PPM1M: variants seen among roughly 807,000 people sequenced by gnomAD.
PPM1M encodes protein phosphatase 1M.
In PPM1M, 44 loss-of-function variants were observed where a neutral mutation model predicts 50.8. The ratio of observed to expected loss-of-function variants is 0.87; its 90% CI spans 0.68 to 1.11. The LOEUF (loss-of-function observed/expected upper bound fraction) is 1.11. Ranked by LOEUF, PPM1M falls within the 50% of genes most tolerant of loss-of-function variation. The pLI, the probability that PPM1M is intolerant of heterozygous loss-of-function variation, is 0.00. For synonymous variants in PPM1M, 224 were observed against 242.9 expected (o/e 0.92, Z 0.72); for missense variants, 556 against 593.4 (o/e 0.94, Z 0.66).
rs1358845029 is a variant in PPM1M, at chr3:52,250,231, G to C, written c.*417G>C. The C allele has an allele frequency of 1.1e-5, 2 of 183,424 alleles. No homozygotes were observed. The highest frequency in any genetic ancestry group is 5.2e-5 in the Admixed American group (1 of 19,050). 11.4% of individuals were successfully genotyped at this position (183,424 alleles called of 1,614,324 possible). ...AGGTCTCCAATTCATGGTTATCAGG[G>C]CATGTGTTCAACAACCCCCAAAGTC... On this transcript the variant is annotated 3_prime_UTR_variant, in exon 10 of 10. Transcript: ENST00000323588.
At position 52,250,053 on chromosome 3, in the gene PPM1M, G is replaced by C; in HGVS notation, c.*239G>C. On this transcript the variant is annotated 3_prime_UTR_variant, in exon 10 of 10. Coordinates refer to ENST00000323588, the MANE Select transcript of PPM1M (RefSeq NM_144641.4). ...CCTTTTGCGGTGATAACCTTCTCTGGCAGAGTGACTTTACAACTTAACTAG... is the reference window on the plus strand; with the variant it reads ...CCTTTTGCGGTGATAACCTTCTCTGCCAGAGTGACTTTACAACTTAACTAG... The C allele has an allele frequency of 2.1e-6, 1 of 476,964 alleles. No homozygotes were observed. Among genetic ancestry groups the C allele is most frequent in the Non-Finnish European group, 3.8e-6 (1 of 261,142 alleles). 29.5% of individuals were successfully genotyped at this position (476,964 alleles called of 1,614,324 possible).
In PPM1M at chr3:52,248,801, T is replaced by C. The variant is rs2107319842; in HGVS notation, c.978+101T>C. On this transcript the variant is annotated intron_variant, in intron 7 of 9. Coordinates refer to ENST00000323588, the MANE Select transcript of PPM1M (RefSeq NM_144641.4). ...TTGCTGGTAGCTGTGGCTGGTGGCC[T>C]GGGATTTGCTCTGAGACTAGGAATT... 4 of 1,396,444 alleles carry C rather than the reference T, an allele frequency of 2.9e-6. No individual in the cohort carries two copies. The East Asian group carries it at 9.1e-5, about 32-fold the overall frequency. The allele number at this position is 1,396,444 out of a possible 1,614,324, so 86.5% of individuals were successfully genotyped here. A position where few individuals can be genotyped will look rare whatever the true frequency, so the allele number is the denominator to read the frequency against.
rs1457573484 is a variant in PPM1M, at chr3:52,248,325, C to T, written c.796-10C>T. ...AGGAGTATGACCTGAGCGCAGCCTC[C>T]CCACCCCAGGCCTTTGTCTATCCTG... On this transcript the variant is annotated splice_polypyrimidine_tract_variant and intron_variant, in intron 5 of 9. Coordinates refer to ENST00000323588, the MANE Select transcript of PPM1M (RefSeq NM_144641.4). 1 of 1,609,240 alleles carries T rather than the reference C, an allele frequency of 6.2e-7. No homozygotes were observed. Among genetic ancestry groups the T allele is most frequent in the Non-Finnish European group, 8.5e-7 (1 of 1,177,614 alleles).
In PPM1M at chr3:52,246,794, G is replaced by A; in HGVS notation, c.324G>A (p.Leu108=). Residue 108 remains leucine (L), a synonymous_variant, in exon 2 of 10, where the codon CTG becomes CTA. Transcript: ENST00000323588. The part of the protein sequence containing the change: ...RCEFGAEEEW[L]TLCPEEFLTG... ...AGTTTGGGGCTGAAGAAGAGTGGCT[G>A]ACCCTGTGCCCAGAGGAGGTGAGTG... 7.2e-7 allele frequency: 1 copy of A among 1,388,690 alleles called. No individual in the cohort carries two copies. Among genetic ancestry groups the A allele is most frequent in the Non-Finnish European group, 9.6e-7 (1 of 1,044,212 alleles). The allele number at this position is 1,388,690 out of a possible 1,614,324, so 86.0% of individuals were successfully genotyped here. A position where few individuals can be genotyped will look rare whatever the true frequency, so the allele number is the denominator to read the frequency against.
rs1267458549 is a variant in PPM1M, at chr3:52,245,869, G to A, written c.45G>A (p.Pro15=). Residue 15 remains proline (P), a synonymous_variant, in exon 1 of 10, where the codon CCG becomes CCA. Coordinates refer to ENST00000323588, the MANE Select transcript of PPM1M (RefSeq NM_144641.4). This position sits in a 1 kb window ranked among gnomAD's most constrained non-coding sequence, Gnocchi z 4.8. ...WFRRRFLPGE[P]LPAPRPPGPH... The stretch of plus-strand genomic sequence containing the variant: ...GGCGCCGCTTCCTGCCTGGGGAGCC[G>A]CTCCCCGCGCCGCGGCCGCCTGGGC... 2.7e-6 allele frequency: 3 copies of A among 1,094,422 alleles called. No individual in the cohort carries two copies. The highest frequency in any genetic ancestry group is 8.1e-5 in the Admixed American group (2 of 24,702). 67.8% of individuals were successfully genotyped at this position (1,094,422 alleles called of 1,614,324 possible). A position where few individuals can be genotyped will look rare whatever the true frequency, so the allele number is the denominator to read the frequency against.
chr3:52,247,344 AG>A, intron 3 of PPM1M, 116 bp downstream of exon 3: 2 of 1,426,000 alleles, frequency 1.4e-6, no homozygotes, highest in Non-Finnish European at 1.9e-6. Context: ...TGGGAGGATG[AG>A]ATTGGGTTGG....
intron 9 of PPM1M, 31 bp from the exon 10 acceptor site, chr3:52,249,639 C>T (rs1310298525): frequency 6.2e-7 from 1 of 1,612,428 alleles, no homozygotes; most frequent in Non-Finnish European, 8.5e-7. Context: ...TGCTCTGCCC[C>T]TGAAGTCTAT....
In PPM1M at chr3:52,249,919, C is replaced by T. The variant is rs1222434036; in HGVS notation, c.*105C>T. 27 of 1,013,240 alleles carry T rather than the reference C, an allele frequency of 2.7e-5. No homozygotes were observed. The highest frequency in any genetic ancestry group is 3.8e-5 in the Non-Finnish European group (26 of 684,134). 62.8% of individuals were successfully genotyped at this position (1,013,240 alleles called of 1,614,324 possible). A position where few individuals can be genotyped will look rare whatever the true frequency, so the allele number is the denominator to read the frequency against. On this transcript the variant is annotated 3_prime_UTR_variant, in exon 10 of 10. Coordinates refer to ENST00000323588, the MANE Select transcript of PPM1M (RefSeq NM_144641.4). ...TCCTGCCTGCCCTATCCCTAGCCAC[C>T]GCCCAGTGCTCTCACTATCCACCTC... is the stretch of plus-strand genomic sequence containing the variant.
Position 52,247,157 on chromosome 3 carries a change from T to G in PPM1M, c.526T>G (p.Phe176Val). Residue 176 changes from phenylalanine (F) to valine (V), a missense_variant, in exon 3 of 10, where the codon TTT becomes GTT. By Grantham distance (50) the Phe-to-Val change is conservative. Coordinates refer to ENST00000323588, the MANE Select transcript of PPM1M (RefSeq NM_144641.4). ...CTGCATCTGCCCCAGTGACCCTCAG[T>G]TTGTGGAGGAAAAGGGCATCAGGGC... ...GRCICPSDPQFVEEKGIRAED... is the reference protein window; with the variant it reads ...GRCICPSDPQVVEEKGIRAED... 6.2e-7 allele frequency: 1 copy of G among 1,612,886 alleles called. No homozygotes were observed.
chr3:52,249,761 T>C lies in PPM1M; in HGVS notation c.1327T>C (p.Ser443Pro). 1 of 1,613,912 alleles carries C rather than the reference T, an allele frequency of 6.2e-7. No individual in the cohort carries two copies. Among genetic ancestry groups the C allele is most frequent in the Non-Finnish European group, 8.5e-7 (1 of 1,179,848 alleles). Reference sequence around the variant, plus strand: ...AGGGCAGGTGTCCTACGATGACGTCTCTGTGTTCGTGATTCCCTTGCACAG... The same window carrying C: ...AGGGCAGGTGTCCTACGATGACGTCCCTGTGTTCGTGATTCCCTTGCACAG... ...EEGQVSYDDV[S>P]VFVIPLHSQG... Residue 443 changes from serine (S) to proline (P), a missense_variant, in exon 10 of 10, where the codon TCT becomes CCT. Physicochemically the swap from Ser to Pro is moderately conservative, Grantham distance 74. Coordinates refer to ENST00000323588, the MANE Select transcript of PPM1M (RefSeq NM_144641.4).
At position 52,248,235 on chromosome 3, in the gene PPM1M, C is replaced by T. The variant is rs768867976; in HGVS notation, c.793C>T (p.Leu265=). 3.1e-6 allele frequency: 5 copies of T among 1,612,906 alleles called. No individual in the cohort carries two copies. Among genetic ancestry groups the T allele is most frequent in the Non-Finnish European group, 4.2e-6 (5 of 1,179,406 alleles). ...GACTGAGCGGCAGCGGATCCAGCAGCTGGTAGGTGCCCTTGGCAGCATGGA... is the reference window on the plus strand; with the variant it reads ...GACTGAGCGGCAGCGGATCCAGCAGTTGGTAGGTGCCCTTGGCAGCATGGA... The part of the protein sequence containing the change: ...PETERQRIQQ[L]AFVYPELLAG... Residue 265 remains leucine, a splice_region_variant and synonymous_variant, in exon 5 of 10, where the codon CTG becomes TTG. Coordinates refer to ENST00000323588, the MANE Select transcript of PPM1M (RefSeq NM_144641.4).
chr3:52,247,389 T>C lies in PPM1M; in HGVS notation c.597+161T>C. 3 of 1,042,844 alleles carry C rather than the reference T, an allele frequency of 2.9e-6. No individual in the cohort carries two copies. In the East Asian group the frequency reaches 7.8e-5, roughly 27 times the overall value. 64.6% of individuals were successfully genotyped at this position (1,042,844 alleles called of 1,614,324 possible). On this transcript the variant is annotated intron_variant, in intron 3 of 9. Coordinates refer to ENST00000323588, the MANE Select transcript of PPM1M (RefSeq NM_144641.4). ...TTACTAACAGCCATCACTATCAGCATAACCCCTCTCATTTATCCAGCACCT... is the reference window on the plus strand; with the variant it reads ...TTACTAACAGCCATCACTATCAGCACAACCCCTCTCATTTATCCAGCACCT...
Position 52,247,673 on chromosome 3 carries a change from T to A in PPM1M, c.598-9T>A, listed in dbSNP as rs745311645. The A allele has an allele frequency of 1.3e-6, 2 of 1,582,854 alleles. No homozygotes were observed. The highest frequency in any genetic ancestry group is 2.3e-5 in the East Asian group (1 of 43,872). On this transcript the variant is annotated splice_polypyrimidine_tract_variant and intron_variant, in intron 3 of 9. Transcript: ENST00000323588. Reference sequence around the variant, plus strand: ...AGGCAGCAGCTAAGGTGGCCTCGGTTTTCCCCAGGATGAGGTGATCGGGCG... The same window carrying A: ...AGGCAGCAGCTAAGGTGGCCTCGGTATTCCCCAGGATGAGGTGATCGGGCG...
intron 1 of PPM1M, 38 bp downstream of exon 1, chr3:52,246,086 C>A: frequency 4.7e-6 from 5 of 1,054,948 alleles, no homozygotes; most frequent in Non-Finnish European, 5.8e-6. Context: ...CAGGCCCGGG[C>A]CTGAACCCGC....
intron 6 of PPM1M, 78 bp from the exon 7 acceptor site, chr3:52,248,559 G>C (rs768249835): frequency 6.3e-7 from 1 of 1,592,584 alleles, no homozygotes; most frequent in Non-Finnish European, 8.6e-7. Context: ...CTGTGAGGGT[G>C]TGACAGCTGG....
In PPM1M at chr3:52,249,320, C is replaced by T. The variant is rs533133537; in HGVS notation, c.1233C>T (p.His411=). 5.6e-6 allele frequency: 9 copies of T among 1,597,496 alleles called. No individual in the cohort carries two copies. The South Asian group carries it at 1.0e-4, about 18-fold the overall frequency. The part of the protein sequence containing the change: ...SFLPGNQEDP[H]RFSKLAQMLI... Reference sequence around the variant, plus strand: ...TCCCTGGGAACCAAGAGGACCCACACAGGTACTGTAGCTGCTGGGGACCTG... The same window carrying T: ...TCCCTGGGAACCAAGAGGACCCACATAGGTACTGTAGCTGCTGGGGACCTG... Residue 411 remains histidine, a splice_region_variant and synonymous_variant, in exon 9 of 10, where the codon CAC becomes CAT. Transcript: ENST00000323588.
Position 52,245,868 on chromosome 3 carries a change from C to T in PPM1M, c.44C>T (p.Pro15Leu). ...WFRRRFLPGE[P>L]LPAPRPPGPH... ...CGGCGCCGCTTCCTGCCTGGGGAGCCGCTCCCCGCGCCGCGGCCGCCTGGG... is the reference window on the plus strand; with the variant it reads ...CGGCGCCGCTTCCTGCCTGGGGAGCTGCTCCCCGCGCCGCGGCCGCCTGGG... The change falls in exon 1 of 10, where the codon CCG (proline) becomes CTG (leucine). Residue 15 changes from proline to leucine, a missense_variant. Pro to Leu is a moderately conservative substitution (Grantham distance 98). Coordinates refer to ENST00000323588, the MANE Select transcript of PPM1M (RefSeq NM_144641.4). This position sits in a 1 kb window ranked among gnomAD's most constrained non-coding sequence, Gnocchi z 4.8. 1 of 1,095,094 alleles carries T rather than the reference C, an allele frequency of 9.1e-7. No individual in the cohort carries two copies. Among genetic ancestry groups the T allele is most frequent in the Non-Finnish European group, 1.1e-6 (1 of 889,794 alleles). The allele number at this position is 1,095,094 out of a possible 1,614,324, so 67.8% of individuals were successfully genotyped here.
At position 52,249,938 on chromosome 3, in the gene PPM1M, C is replaced by T; in HGVS notation, c.*124C>T. 1 of 818,380 alleles carries T rather than the reference C, an allele frequency of 1.2e-6. No individual in the cohort carries two copies. The highest frequency in any genetic ancestry group is 2.0e-6 in the Non-Finnish European group (1 of 512,048). The allele number at this position is 818,380 out of a possible 1,614,324, so 50.7% of individuals were successfully genotyped here. On this transcript the variant is annotated 3_prime_UTR_variant, in exon 10 of 10. Coordinates refer to ENST00000323588, the MANE Select transcript of PPM1M (RefSeq NM_144641.4). The stretch of plus-strand genomic sequence containing the variant: ...AGCCACCGCCCAGTGCTCTCACTAT[C>T]CACCTCAACACACATCCATCTCAAG...
Position 52,245,983 on chromosome 3 carries a change from A to C in PPM1M, c.159A>C (p.Pro53=), listed in dbSNP as rs757541375. 7.2e-6 allele frequency: 9 copies of C among 1,249,196 alleles called. No individual in the cohort carries two copies. The East Asian group carries it at 6.8e-4, about 94-fold the overall frequency. The allele number at this position is 1,249,196 out of a possible 1,614,324, so 77.4% of individuals were successfully genotyped here. ...GGGCGGCCGACGCCTCGCGCCGCCC[A>C]GACTCCCGGCCCGTGCGCAGCCCCG... ...SPGAADASRR[P]DSRPVRSPAR... Residue 53 remains proline, a synonymous_variant, in exon 1 of 10, where the codon CCA becomes CCC. Transcript: ENST00000323588. This position sits in a 1 kb window ranked among gnomAD's most constrained non-coding sequence, Gnocchi z 4.8.
Sources: allele counts gnomAD v4.1 joint callset, GRCh38; gene constraint gnomAD v4.1.1; non-coding constraint Gnocchi (gnomAD v3.1); transcripts MANE v1.5; gene names NCBI Gene and HGNC (gene_info 2026-07-23, HGNC 2026-07-21).